The following LRP1B variants were observed in gnomAD, a reference collection of about 807,000 sequenced individuals.
The protein encoded by LRP1B is low-density lipoprotein receptor-related protein 1B.
In LRP1B, 217 loss-of-function variants were observed where a neutral mutation model predicts 556.6. That is an observed-to-expected ratio of 0.39 (90% CI 0.35 to 0.44). The LOEUF (loss-of-function observed/expected upper bound fraction) is 0.44. Among genes scored for constraint, LRP1B ranks in the 20% least tolerant of loss-of-function variants. LRP1B has a pLI of 1.00. For missense variants in LRP1B, 5,053 were observed against 5,620.8 expected (o/e 0.90, Z 3.23); for synonymous variants, 2,047 against 1,865.8 (o/e 1.10, Z -2.50).
intron 7 of LRP1B, among the ~76,000 whole-genome samples, chr2:141,109,454 A>G (rs907558002): frequency 6.6e-6 from 1 of 152,206 alleles, no homozygotes; most frequent in Non-Finnish European, 1.5e-5. Context: ...TTAGATTGTT[A>G]TACCAGGAGA....
At chr2:141,388,712 C>T (rs1689935374) in intron 3 of LRP1B, among the ~76,000 whole-genome samples, 1 of 151,982 alleles carries the variant, frequency 6.6e-6, no homozygotes, top group African/African-American at 2.4e-5. Context: ...AAAGAAGAAG[C>T]ATAACTATCT....
chr2:140,748,789 ATAT>A (rs1688455193), intron 35 of LRP1B, among the ~76,000 whole-genome samples: 1 of 46,074 alleles, frequency 2.2e-5, no homozygotes, highest in Non-Finnish European at 4.8e-5. Flanking sequence ...TATATAATAT[ATAT>A]TATATACATA....
chr2:141,345,802 G>T (rs2105526846), intron 3 of LRP1B, among the ~76,000 whole-genome samples: 2 of 151,886 alleles, frequency 1.3e-5, no homozygotes, highest in East Asian at 1.9e-4. Flanking sequence ...ACTGCACATG[G>T]CCCTGAATTT....
chr2:140,638,788 T>C (rs1199593237), intron 41 of LRP1B, among the ~76,000 whole-genome samples: 1 of 151,656 alleles, frequency 6.6e-6, no homozygotes. Context: ...TATGAAAAAA[T>C]ATATATGAAA....
Position 141,397,113 on chromosome 2 carries a change from CAA to C in LRP1B, c.343+83281_343+83282del, listed in dbSNP as rs5834824. Among the ~76,000 whole-genome samples, 36 of 41,950 alleles carry C rather than the reference CAA, an allele frequency of 8.6e-4. 1 individual carries two copies. Among genetic ancestry groups the C allele is most frequent in the East Asian group, 1.9e-3 (3 of 1,604 alleles). 27.5% of individuals were successfully genotyped at this position (41,950 alleles called of 152,430 possible). ...GGGCAACAAGAAGGAAACTTTGTCT[CAA>C]AAAAAAAAAAAAAAAAAAAAGGATG... On this transcript the variant is annotated intron_variant, in intron 3 of 90. Coordinates refer to ENST00000389484, the MANE Select transcript of LRP1B (RefSeq NM_018557.3).
chr2:142,083,499 C>T (rs1215791782), intron 1 of LRP1B, among the ~76,000 whole-genome samples: 1 of 152,094 alleles, frequency 6.6e-6, no homozygotes, highest in South Asian at 2.1e-4. Context: ...TCTGAAAAGG[C>T]TCTTAGAGTT....
chr2:140,491,790 C>A (rs541918732), intron 57 of LRP1B, among the ~76,000 whole-genome samples: 1 of 152,080 alleles, frequency 6.6e-6, no homozygotes. Flanking sequence ...ATATTTTACT[C>A]AGTCTTGTAA....
intron 2 of LRP1B, among the ~76,000 whole-genome samples, chr2:141,520,155 G>T (rs1684479244): frequency 6.6e-6 from 1 of 152,140 alleles, no homozygotes; most frequent in Non-Finnish European, 1.5e-5. Flanking sequence ...GGCTCTTTCA[G>T]TCTGGAAGAT....
intron 5 of LRP1B, among the ~76,000 whole-genome samples, chr2:141,239,851 C>G (rs905400937): frequency 2.6e-5 from 4 of 151,900 alleles, no homozygotes; most frequent in African/African-American, 9.7e-5. Flanking sequence ...TAATATATTT[C>G]ACTGTTGTCT....
intron 7 of LRP1B, among the ~76,000 whole-genome samples, chr2:141,180,531 G>A (rs1680944011): frequency 1.3e-5 from 2 of 151,874 alleles, no homozygotes; most frequent in African/African-American, 4.8e-5. Flanking sequence ...TACCCAAGTG[G>A]TTTGGAAATG....
At chr2:142,016,205 T>C (rs1015517245) in intron 1 of LRP1B, among the ~76,000 whole-genome samples, 1 of 151,860 alleles carries the variant, frequency 6.6e-6, no homozygotes, top group East Asian at 1.9e-4. Flanking sequence ...TGTGGAGAAA[T>C]AGGAACGCTT....
intron 2 of LRP1B, among the ~76,000 whole-genome samples, chr2:141,723,705 A>T (rs1692926248): frequency 6.6e-6 from 1 of 151,940 alleles, no homozygotes; most frequent in African/African-American, 2.4e-5. Flanking sequence ...AGAGATATTG[A>T]TAAAAATTGA....
At chr2:141,801,343 C>T (rs564424101) in intron 2 of LRP1B, among the ~76,000 whole-genome samples, 2 of 152,190 alleles carry the variant, frequency 1.3e-5, no homozygotes, top group East Asian at 3.9e-4. Context: ...GGCTGGAGGG[C>T]AGTGGCTCAA....
At chr2:140,342,684 G>A (rs115973754) in intron 77 of LRP1B, among the ~76,000 whole-genome samples, 2,041 of 151,610 alleles carry the variant, frequency 0.013, 47 homozygotes, top group African/African-American at 0.047. Flanking sequence ...CGTTTTGAGA[G>A]TTTAGTGCCA....
chr2:140,650,314 TTTATTTATTTA>T (rs1559031610), intron 41 of LRP1B, among the ~76,000 whole-genome samples: 16 of 516 alleles, frequency 0.031, no homozygotes, highest in African/African-American at 0.067. Context: ...TTTATTTTTA[TTTATTTATTTA>T]TTTATTTATT....
At chr2:140,421,042 G>A (rs1410446562) in intron 66 of LRP1B, among the ~76,000 whole-genome samples, 2 of 151,968 alleles carry the variant, frequency 1.3e-5, no homozygotes, top group Non-Finnish European at 2.9e-5. Flanking sequence ...GATCACCTCC[G>A]GTCAGGAATT....
At chr2:141,395,137 A>T (rs542894248) in intron 3 of LRP1B, among the ~76,000 whole-genome samples, 4 of 152,184 alleles carry the variant, frequency 2.6e-5, no homozygotes, top group African/African-American at 7.2e-5. Flanking sequence ...AAATAAATTG[A>T]ATGTAGTGTA....
At chr2:140,741,638 T>C (rs1488677362) in intron 35 of LRP1B, among the ~76,000 whole-genome samples, 1 of 152,098 alleles carries the variant, frequency 6.6e-6, no homozygotes, top group Non-Finnish European at 1.5e-5. Context: ...GTCCTACCAC[T>C]CTCCATTCTC....
intron 20 of LRP1B, among the ~76,000 whole-genome samples, chr2:140,943,185 A>G (rs1695450302): frequency 6.6e-6 from 1 of 152,146 alleles, no homozygotes; most frequent in African/African-American, 2.4e-5. Flanking sequence ...AAAAGGGCAA[A>G]GAAGGGCATT....
Sources: allele counts gnomAD v4.1 joint callset (sites outside exome capture counted in the v4.1 genomes callset), GRCh38; gene constraint gnomAD v4.1.1; transcripts MANE v1.5; gene names NCBI Gene and HGNC (gene_info 2026-07-23, HGNC 2026-07-21).